The following PASK variants were observed in gnomAD, a reference collection of about 807,000 sequenced individuals.
PASK encodes PAS domain-containing serine/threonine-protein kinase.
In PASK, 110 loss-of-function variants were observed where a neutral mutation model predicts 121.0. That is an observed-to-expected ratio of 0.91 (90% confidence interval 0.78 to 1.06). The LOEUF (loss-of-function observed/expected upper bound fraction) is 1.06. PASK is among the 50% of genes least tolerant of loss of function. PASK has a pLI of 0.00. For synonymous variants in PASK, 686 were observed against 717.8 expected, an observed-to-expected ratio of 0.96 and a Z score of 0.71; for missense variants, 1,643 against 1,702.3, an observed-to-expected ratio of 0.97 and a Z score of 0.61.
intron 2 of PASK, among the ~76,000 whole-genome samples, chr2:241,141,919 T>A (rs2066715974): frequency 6.6e-6 from 1 of 151,976 alleles, no homozygotes; most frequent in South Asian, 2.1e-4. Context: ...CCTTCTCATG[T>A]CTCAAGGCCC....
At position 241,108,615 on chromosome 2, in the gene PASK, C is replaced by A. The variant is rs1324516941; in HGVS notation, c.3534-315G>T. On this transcript the variant is annotated intron_variant, in intron 15 of 17. Coordinates refer to ENST00000234040, the MANE Select transcript of PASK (RefSeq NM_015148.4). This position sits in a 1 kb window ranked among gnomAD's most constrained non-coding sequence, Gnocchi z 5.2. ...CGGGGGGAGGGCTTCCTGGAGGAAG[C>A]AGAGTACACGTCCATTGGCTTTGCT... is the stretch of plus-strand genomic sequence containing the variant. 41 of 437,536 alleles carry A rather than the reference C, an allele frequency of 9.4e-5. No homozygotes were observed. The highest frequency in any genetic ancestry group is 7.1e-4 in the South Asian group (35 of 49,312). 27.1% of individuals were successfully genotyped at this position (437,536 alleles called of 1,614,324 possible). A position where few individuals can be genotyped will look rare whatever the true frequency, so the allele number is the denominator to read the frequency against.
chr2:241,137,912 A>G, intron 6 of PASK, 41 bp downstream of exon 6: 1 of 1,610,386 alleles, frequency 6.2e-7, no homozygotes, highest in Non-Finnish European at 8.5e-7. Flanking sequence ...AGAGCTAAGA[A>G]CTCCACCCCA....
chr2:241,134,924 G>T (rs1393010696), intron 8 of PASK, among the ~76,000 whole-genome samples: 1 of 152,168 alleles, frequency 6.6e-6, no homozygotes, highest in Non-Finnish European at 1.5e-5. Context: ...GCAGAGTTCC[G>T]GGGTCCCCAC....
At chr2:241,121,883 T>C (rs2065629485) in intron 12 of PASK, among the ~76,000 whole-genome samples, 2 of 152,118 alleles carry the variant, frequency 1.3e-5, no homozygotes, top group African/African-American at 4.8e-5. Flanking sequence ...AATCCACAAG[T>C]ATAGGTAGAG....
chr2:241,106,586 G>T lies in PASK; in HGVS notation c.3952C>A (p.Pro1318Thr). Reference sequence around the variant, plus strand: ...GGTGTTTAGCTGGTCAGCAGACGGGGATCCCCGGGATGCAAACAGCCTTGG... The same window carrying T: ...GGTGTTTAGCTGGTCAGCAGACGGGTATCCCCGGGATGCAAACAGCCTTGG... The part of the protein sequence containing the change: ...NGQGCLHPGD[P>T]RLLTS The change falls in exon 18 of 18, where the codon CCC becomes ACC. Residue 1318 changes from proline to threonine, a missense_variant. By Grantham distance (38) the Pro-to-Thr change is conservative. Transcript: ENST00000234040. 6.2e-7 allele frequency: 1 copy of T among 1,614,210 alleles called. No individual in the cohort carries two copies.
Position 241,126,271 on chromosome 2 carries a change from C to A in PASK, c.2644G>T (p.Ala882Ser), listed in dbSNP as rs762782709. ...TGGATCTCCCGCTGCAGGCCAGCAG[C>A]CCCGCGCATCACGATCACGGGCGTG... Reference protein sequence around the residue: ...TSTPVIVMRGAAGLQREIQEG... With the variant: ...TSTPVIVMRGSAGLQREIQEG... Residue 882 changes from alanine to serine, a missense_variant, in exon 10 of 18, where the codon GCT becomes TCT. Transcript: ENST00000234040. 10 of 1,614,036 alleles carry A rather than the reference C, an allele frequency of 6.2e-6. No homozygotes were observed. Among genetic ancestry groups the A allele is most frequent in the South Asian group, 2.2e-5 (2 of 91,084 alleles).
At chr2:241,129,995 C>T (rs2066052194) in intron 9 of PASK, among the ~76,000 whole-genome samples, 1 of 152,246 alleles carries the variant, frequency 6.6e-6, no homozygotes, top group African/African-American at 2.4e-5. Context: ...TCAGACTACA[C>T]TCCCAGGATT....
intron 1 of PASK, among the ~76,000 whole-genome samples, chr2:241,148,828 G>A (rs969775895): frequency 2.0e-5 from 3 of 152,208 alleles, no homozygotes; most frequent in Non-Finnish European, 4.4e-5. Context: ...GACATCGAAT[G>A]GTACTGAGAT....
chr2:241,112,047 T>C lies in PASK; in HGVS notation c.3533+193A>G, dbSNP rs2065132243. Reference sequence around the variant, plus strand: ...GAGAAAATAAAATTATTAACTCCTATATCCATCGCCCAGTGCCTTTGCCCA... The same window carrying C: ...GAGAAAATAAAATTATTAACTCCTACATCCATCGCCCAGTGCCTTTGCCCA... On this transcript the variant is annotated intron_variant, in intron 15 of 17. Coordinates refer to ENST00000234040, the MANE Select transcript of PASK (RefSeq NM_015148.4). The surrounding 1 kb of genome is among the most constrained non-coding windows in gnomAD (Gnocchi z 5.2). 6.6e-6 allele frequency among the ~76,000 whole-genome samples: 1 copy of C among 152,146 alleles called. No homozygotes were observed. The highest frequency in any genetic ancestry group is 1.5e-5 in the Non-Finnish European group (1 of 68,024).
chr2:241,114,989 G>A, intron 14 of PASK, 54 bp downstream of exon 14: 1 of 1,613,634 alleles, frequency 6.2e-7, no homozygotes, highest in Non-Finnish European at 8.5e-7. Flanking sequence ...GCAGCCACCG[G>A]ACCCAGGCAC....
At chr2:241,115,266 T>C (rs2065279540) in intron 13 of PASK, 22 bp downstream of exon 13, 2 of 1,614,022 alleles carry the variant, frequency 1.2e-6, no homozygotes, top group Non-Finnish European at 1.7e-6. Context: ...AGTTAGGGTA[T>C]CTCTGAAGAG....
chr2:241,149,455 G>A lies in PASK; in HGVS notation c.-84C>T. On this transcript the variant is annotated 5_prime_UTR_variant, in exon 1 of 18. Transcript: ENST00000234040. ...TCACGCCAAGCCGGCTACACACCAC[G>A]GAAAGGAGCCCTTCCGCGCTTTTAT... 2 of 583,846 alleles carry A rather than the reference G, an allele frequency of 3.4e-6. No homozygotes were observed. Among genetic ancestry groups the A allele is most frequent in the East Asian group, 6.0e-5 (2 of 33,528 alleles). The allele number at this position is 583,846 out of a possible 1,614,324, so 36.2% of individuals were successfully genotyped here.
rs765429010 is a variant in PASK, at chr2:241,142,999, C to T, written c.34G>A (p.Asp12Asn). ...EDGGLTAFEEDQRCLSQSLPL... is the reference protein window; with the variant it reads ...EDGGLTAFEENQRCLSQSLPL... The stretch of plus-strand genomic sequence containing the variant: ...AGGCTCTGGGAAAGGCATCTCTGGT[C>T]CTCTTCAAAGGCTGTTAAGCCCCCG... Residue 12 changes from aspartate to asparagine, a missense_variant, in exon 2 of 18, where the codon GAC becomes AAC. Coordinates refer to ENST00000234040, the MANE Select transcript of PASK (RefSeq NM_015148.4). 10 of 1,614,018 alleles carry T rather than the reference C, an allele frequency of 6.2e-6. No homozygotes were observed. In the Admixed American group the frequency reaches 1.2e-4, roughly 19 times the overall value.
Position 241,108,315 on chromosome 2 carries a change from A to C in PASK, c.3534-15T>G, listed in dbSNP as rs1002940067. 3.1e-6 allele frequency: 5 copies of C among 1,613,720 alleles called. No homozygotes were observed. Among genetic ancestry groups the C allele is most frequent in the Non-Finnish European group, 4.2e-6 (5 of 1,179,840 alleles). ...GCCCTCTGTAGCTGTGAGGAGGAGG[A>C]GGCATCAGGACGCCACGGCACTCAG... On this transcript the variant is annotated splice_polypyrimidine_tract_variant and intron_variant, in intron 15 of 17. Coordinates refer to ENST00000234040, the MANE Select transcript of PASK (RefSeq NM_015148.4). The surrounding 1 kb of genome is among the most constrained non-coding windows in gnomAD (Gnocchi z 5.2).
At chr2:241,123,922 G>A in intron 11 of PASK, 27 bp downstream of exon 11, 2 of 1,596,196 alleles carry the variant, frequency 1.3e-6, no homozygotes, top group Non-Finnish European at 1.7e-6. Flanking sequence ...GGCAAGTCCA[G>A]GGCAGGCATT....
At chr2:241,124,554 A>G (rs12612369) in intron 10 of PASK, among the ~76,000 whole-genome samples, 3,594 of 152,320 alleles carry the variant, frequency 0.024, 301 homozygotes, top group East Asian at 0.23. Flanking sequence ...AATGGCTTAC[A>G]TTAAAAGCAT....
At chr2:241,144,789 T>TC (rs1181280927) in intron 1 of PASK, among the ~76,000 whole-genome samples, 1 of 151,370 alleles carries the variant, frequency 6.6e-6, no homozygotes, top group Admixed American at 6.6e-5. Context: ...CTCCAAGGAG[T>TC]CCCCCCTCCT....
chr2:241,150,143 C>T, upstream of PASK: 4 of 1,272,284 alleles, frequency 3.1e-6, no homozygotes, highest in Non-Finnish European at 4.0e-6. Context: ...GAGACAGTGA[C>T]ATAAGTCAAC....
Position 241,108,374 on chromosome 2 carries a change from C to G in PASK, c.3534-74G>C, listed in dbSNP as rs1392655754. On this transcript the variant is annotated intron_variant, in intron 15 of 17. Coordinates refer to ENST00000234040, the MANE Select transcript of PASK (RefSeq NM_015148.4). The surrounding 1 kb of genome is among the most constrained non-coding windows in gnomAD (Gnocchi z 5.2). ...TGCCAAGCCCGCCCATGGGAAGCAC[C>G]ATGGCCCTTCCCGACCAGCACACAG... The G allele has an allele frequency of 6.7e-7, 1 of 1,500,976 alleles. No individual in the cohort carries two copies. Among genetic ancestry groups the G allele is most frequent in the Admixed American group, 1.7e-5 (1 of 59,354 alleles). 93.0% of individuals were successfully genotyped at this position (1,500,976 alleles called of 1,614,324 possible).
Sources: gnomAD v4.1 joint callset for allele counts (sites outside exome capture counted in the v4.1 genomes callset) on GRCh38, gnomAD v4.1.1 for gene constraint, Gnocchi (gnomAD v3.1) non-coding constraint, MANE v1.5 for transcripts, NCBI Gene and HGNC (gene_info 2026-07-23, HGNC 2026-07-21) for gene names.